The following MARK3 variants were observed in gnomAD, a reference collection of about 807,000 sequenced individuals.
MARK3 encodes the protein microtubule affinity regulating kinase 3.
Under a neutral mutation model 90.1 loss-of-function variants are expected in MARK3, and 46 were observed. The ratio of observed to expected loss-of-function variants is 0.51; its 90% confidence interval spans 0.40 to 0.65. The LOEUF (loss-of-function observed/expected upper bound fraction) is 0.65. Among genes scored for constraint, MARK3 ranks in the 30% least tolerant of loss-of-function variants. The probability of loss-of-function intolerance (pLI) is 0.00; values close to 1 mark genes in which losing one functional copy is unlikely to be tolerated. For synonymous variants in MARK3, 321 were observed against 332.6 expected, an observed-to-expected ratio of 0.97 and a Z score of 0.38; for missense variants, 818 against 947.2, an observed-to-expected ratio of 0.86 and a Z score of 1.79.
At chr14:103,458,167 G>A (rs2093316423) in intron 6 of MARK3, among the ~76,000 whole-genome samples, 1 of 152,180 alleles carries the variant, frequency 6.6e-6, no homozygotes, top group Non-Finnish European at 1.5e-5. Flanking sequence ...TAGCTTAGAA[G>A]CAGTCGTAGG....
intron 7 of MARK3, among the ~76,000 whole-genome samples, chr14:103,463,812 G>T (rs1288766571): frequency 6.6e-6 from 1 of 152,014 alleles, no homozygotes; most frequent in African/African-American, 2.4e-5. Context: ...CTCTTCATTG[G>T]CTTCCCATTG....
intron 17 of MARK3, among the ~76,000 whole-genome samples, chr14:103,500,940 T>A (rs2075630044): frequency 6.6e-6 from 1 of 152,154 alleles, no homozygotes; most frequent in Non-Finnish European, 1.5e-5. Flanking sequence ...CCATTTTGTA[T>A]AGTTATCATT....
At position 103,431,116 on chromosome 14, in the gene MARK3, C is replaced by T. The variant is rs560019704; in HGVS notation, c.297+2676C>T. On this transcript the variant is annotated intron_variant, in intron 3 of 17. Coordinates refer to ENST00000429436, the MANE Select transcript of MARK3 (RefSeq NM_001128918.3). The stretch of plus-strand genomic sequence containing the variant: ...TGTTTTTGTTTTTTTGAGATGGAGT[C>T]TCGCTCTGTTGCCCAGGCTGGAGTG... Among the ~76,000 whole-genome samples the T allele has an allele frequency of 8.5e-5, 13 of 152,214 alleles. No individual in the cohort carries two copies. The East Asian group carries it at 2.5e-3, about 29-fold the overall frequency.
At chr14:103,471,190 C>T (rs1393259025) in intron 12 of MARK3, among the ~76,000 whole-genome samples, 2 of 152,166 alleles carry the variant, frequency 1.3e-5, no homozygotes, top group African/African-American at 4.8e-5. Context: ...TAACTTGTCC[C>T]TCAATCCTAG....
chr14:103,492,518 C>T (rs1389017709), intron 15 of MARK3, among the ~76,000 whole-genome samples: 1 of 152,176 alleles, frequency 6.6e-6, no homozygotes, highest in Non-Finnish European at 1.5e-5. Flanking sequence ...GAAAGTTTCT[C>T]TCTCAGTCTT....
chr14:103,413,263 C>T (rs548572956), intron 2 of MARK3, among the ~76,000 whole-genome samples: 1 of 152,156 alleles, frequency 6.6e-6, no homozygotes, highest in Admixed American at 6.6e-5. Flanking sequence ...TTATATAATG[C>T]TTGTTAAATT....
intron 6 of MARK3, among the ~76,000 whole-genome samples, chr14:103,459,926 G>T (rs2141466334): frequency 6.6e-6 from 1 of 151,940 alleles, no homozygotes; most frequent in African/African-American, 2.4e-5. Context: ...AGTACACTGT[G>T]TGTGATCCCT....
chr14:103,428,040 T>TC (rs1378347349), intron 2 of MARK3, among the ~76,000 whole-genome samples: 1 of 151,978 alleles, frequency 6.6e-6, no homozygotes, highest in Non-Finnish European at 1.5e-5. Context: ...CTGACATATT[T>TC]CCCCCCTCCC....
At chr14:103,475,959 A>G (rs942077257) in intron 13 of MARK3, among the ~76,000 whole-genome samples, 1 of 151,240 alleles carries the variant, frequency 6.6e-6, no homozygotes, top group Non-Finnish European at 1.5e-5. Flanking sequence ...AAAAAAAAAG[A>G]TACTAATCCC....
intron 3 of MARK3, among the ~76,000 whole-genome samples, chr14:103,430,365 GC>G (rs1478895902): frequency 1.1e-5 from 1 of 94,454 alleles, no homozygotes; most frequent in Admixed American, 1.3e-4. Context: ...CTTATCCCCA[GC>G]CCCCCCATCT....
rs1566832420 is a variant in MARK3, at chr14:103,432,484, C to T, written c.297+4044C>T. On this transcript the variant is annotated intron_variant, in intron 3 of 17. Transcript: ENST00000429436. ...GTGATTGTAAAATAGGGCAACACTA[C>T]ATTCCATAAAATAGAATAAGTGTCC... 2.6e-5 allele frequency among the ~76,000 whole-genome samples: 4 copies of T among 152,110 alleles called. No homozygotes were observed. In the South Asian group the frequency reaches 8.3e-4, roughly 32 times the overall value.
At chr14:103,470,305 T>C (rs985146112) in intron 12 of MARK3, among the ~76,000 whole-genome samples, 5 of 152,068 alleles carry the variant, frequency 3.3e-5, no homozygotes, top group Non-Finnish European at 7.4e-5. Context: ...TGGGTAGGCT[T>C]ACCAGGCTCT....
At chr14:103,466,775 C>T (rs1353090010) in intron 10 of MARK3, among the ~76,000 whole-genome samples, 3 of 152,140 alleles carry the variant, frequency 2.0e-5, no homozygotes, top group South Asian at 2.1e-4. Flanking sequence ...GAGGCCAAGG[C>T]GGGCAGATCA....
At chr14:103,408,328 C>G (rs978359255) in intron 2 of MARK3, among the ~76,000 whole-genome samples, 3 of 152,052 alleles carry the variant, frequency 2.0e-5, no homozygotes, top group African/African-American at 7.2e-5. Context: ...GCTGGGATTA[C>G]AGGCACACGC....
At chr14:103,498,246 T>C (rs769905537) in intron 15 of MARK3, among the ~76,000 whole-genome samples, 24 of 152,090 alleles carry the variant, frequency 1.6e-4, no homozygotes, top group Non-Finnish European at 3.1e-4. Flanking sequence ...GAAGAACTTT[T>C]AATTACAGCT....
intron 5 of MARK3, 40 bp downstream of exon 5, chr14:103,452,023 T>C: frequency 2.1e-6 from 3 of 1,395,564 alleles, no homozygotes; most frequent in Non-Finnish European, 3.0e-6. Flanking sequence ...TTTTTCTTTC[T>C]CCCTTTTAAA....
At chr14:103,461,762 C>T (rs777577481) in intron 6 of MARK3, among the ~76,000 whole-genome samples, 17 of 152,114 alleles carry the variant, frequency 1.1e-4, no homozygotes, top group Non-Finnish European at 1.3e-4. Context: ...CCAGGCCGGG[C>T]GCAGTGGCTC....
intron 3 of MARK3, among the ~76,000 whole-genome samples, chr14:103,445,279 G>A (rs2092966009): frequency 1.3e-5 from 2 of 152,136 alleles, no homozygotes; most frequent in African/African-American, 4.8e-5. Context: ...TGAAAATTAA[G>A]CTTAGATAAG....
At chr14:103,455,958 C>T (rs900056567) in intron 5 of MARK3, among the ~76,000 whole-genome samples, 1 of 152,148 alleles carries the variant, frequency 6.6e-6, no homozygotes, top group Non-Finnish European at 1.5e-5. Context: ...CCTGAAAACA[C>T]TTATATCTAA....
Sources: allele counts gnomAD v4.1 joint callset (sites outside exome capture counted in the v4.1 genomes callset), GRCh38; gene constraint gnomAD v4.1.1; transcripts MANE v1.5; gene names NCBI Gene and HGNC (gene_info 2026-07-23, HGNC 2026-07-21).